Variants in POU2F1 observed in about 807,000 individuals in gnomAD.
The protein encoded by POU2F1 is POU domain, class 2, transcription factor 1.
A neutral mutation model predicts 84.9 loss-of-function variants in POU2F1; 16 were observed. The ratio of observed to expected loss-of-function variants is 0.19; its 90% CI spans 0.13 to 0.29. POU2F1 has a LOEUF of 0.29. POU2F1 is among the 10% of genes least tolerant of loss of function. The pLI is 1.00. For synonymous variants in POU2F1, 368 were observed against 368.3 expected, an observed-to-expected ratio of 1.00 and a Z score of 0.01; for missense variants, 738 against 942.6, an observed-to-expected ratio of 0.78 and a Z score of 2.84.
rs570888597 is a variant in POU2F1, at chr1:167,260,608, C to A, written c.61+39650C>A. On this transcript the variant is annotated intron_variant, in intron 1 of 15. Coordinates refer to ENST00000367866, the MANE Select transcript of POU2F1 (RefSeq NM_002697.4). ...TCTCAACATGATTTGTTGAATTTTT[C>A]CCTCTTTCCTCAGCTTTCCTGCATT... is the stretch of plus-strand genomic sequence containing the variant. Among the ~76,000 whole-genome samples the A allele has an allele frequency of 1.4e-4, 22 of 152,202 alleles. No homozygotes were observed. In the South Asian group the frequency reaches 3.5e-3, roughly 24 times the overall value.
At chr1:167,354,522 C>A (rs541762119) in intron 2 of POU2F1, among the ~76,000 whole-genome samples, 1 of 152,224 alleles carries the variant, frequency 6.6e-6, no homozygotes, top group East Asian at 1.9e-4. Context: ...AGACTCCTGA[C>A]CTCAGGTGAT....
intron 13 of POU2F1, among the ~76,000 whole-genome samples, chr1:167,402,191 A>T (rs1342178207): frequency 1.3e-5 from 2 of 152,218 alleles, no homozygotes; most frequent in South Asian, 4.2e-4. Context: ...ATCACTTAGC[A>T]TTGTCATCAG....
chr1:167,320,780 C>T (rs1656257796), intron 1 of POU2F1, among the ~76,000 whole-genome samples: 1 of 152,144 alleles, frequency 6.6e-6, no homozygotes, highest in Admixed American at 6.5e-5. Context: ...TTTATTTGAG[C>T]CTTATACGCT....
At chr1:167,311,089 C>G (rs1323917669) in intron 1 of POU2F1, among the ~76,000 whole-genome samples, 1 of 151,940 alleles carries the variant, frequency 6.6e-6, no homozygotes, top group Non-Finnish European at 1.5e-5. Flanking sequence ...TGAAAACTCC[C>G]CAAATTTAGT....
chr1:167,239,726 T>G (rs2102366875), intron 1 of POU2F1, among the ~76,000 whole-genome samples: 1 of 152,310 alleles, frequency 6.6e-6, no homozygotes, highest in East Asian at 1.9e-4. Flanking sequence ...TTGGAATGAT[T>G]GAAATTGATT....
chr1:167,247,262 G>A (rs548406225), intron 1 of POU2F1, among the ~76,000 whole-genome samples: 2 of 152,078 alleles, frequency 1.3e-5, no homozygotes, highest in African/African-American at 4.8e-5. Context: ...ATTTTTTGTA[G>A]AGACGGTTGC....
In POU2F1 at chr1:167,416,380, T is replaced by G. The variant is rs2101955758; in HGVS notation, c.*570T>G. On this transcript the variant is annotated 3_prime_UTR_variant, in exon 16 of 16. Coordinates refer to ENST00000367866, the MANE Select transcript of POU2F1 (RefSeq NM_002697.4). ...ATTTAGGCAGGCCTGTATTACTGTA[T>G]TATTATTGTTGTTGTTGTTATTGTT... 5.2e-6 allele frequency: 1 copy of G among 192,670 alleles called. No individual in the cohort carries two copies. The highest frequency in any genetic ancestry group is 1.1e-5 in the Non-Finnish European group (1 of 94,112). 11.9% of individuals were successfully genotyped at this position (192,670 alleles called of 1,614,324 possible). A position where few individuals can be genotyped will look rare whatever the true frequency, so the allele number is the denominator to read the frequency against.
At chr1:167,412,593 TC>T (rs777323233) in intron 14 of POU2F1, among the ~76,000 whole-genome samples, 6 of 152,126 alleles carry the variant, frequency 3.9e-5, no homozygotes, top group Non-Finnish European at 8.8e-5. Context: ...AGCCTAGAAT[TC>T]TTGACTCTTA....
At chr1:167,293,666 G>C (rs1654083401) in intron 1 of POU2F1, among the ~76,000 whole-genome samples, 1 of 152,056 alleles carries the variant, frequency 6.6e-6, no homozygotes, top group East Asian at 1.9e-4. Context: ...TAAACAAAAA[G>C]AACAAATCTG....
chr1:167,412,369 G>A, intron 14 of POU2F1, 65 bp downstream of exon 14: 1 of 1,358,784 alleles, frequency 7.4e-7, no homozygotes, highest in Non-Finnish European at 1.0e-6. Context: ...ACTCACAGGG[G>A]AGACTTTACA....
chr1:167,256,691 G>C (rs1034910833), intron 1 of POU2F1, among the ~76,000 whole-genome samples: 1 of 152,128 alleles, frequency 6.6e-6, no homozygotes, highest in Non-Finnish European at 1.5e-5. Context: ...ATAGTCTTTG[G>C]ATGTGTTGCC....
chr1:167,340,189 C>G lies in POU2F1; in HGVS notation c.127+7654C>G, dbSNP rs571396741. Among the ~76,000 whole-genome samples the G allele has an allele frequency of 5.9e-5, 9 of 151,964 alleles. No individual in the cohort carries two copies. In the East Asian group the frequency reaches 1.6e-3, roughly 26 times the overall value. ...CCACCTCCCGAGGTCAAGCAATTCT[C>G]CTGCCTCAGCCTCCCAAGTAGCTGG... On this transcript the variant is annotated intron_variant, in intron 2 of 15. Coordinates refer to ENST00000367866, the MANE Select transcript of POU2F1 (RefSeq NM_002697.4).
At chr1:167,260,759 A>ATGTTG (rs1651505131) in intron 1 of POU2F1, among the ~76,000 whole-genome samples, 3 of 152,182 alleles carry the variant, frequency 2.0e-5, no homozygotes, top group African/African-American at 7.2e-5. Context: ...GTTTACTACT[A>ATGTTG]TGTTATTGCC....
At chr1:167,371,880 A>C (rs901191437) in intron 4 of POU2F1, 37 bp from the exon 5 acceptor site, 2 of 1,612,902 alleles carry the variant, frequency 1.2e-6, no homozygotes, top group Non-Finnish European at 1.7e-6. Context: ...TTAATCAACC[A>C]TTTGCAATCT....
chr1:167,401,777 T>C (rs1421493355), intron 13 of POU2F1, among the ~76,000 whole-genome samples: 1 of 152,264 alleles, frequency 6.6e-6, no homozygotes, highest in Non-Finnish European at 1.5e-5. Flanking sequence ...TCGTGAAGGT[T>C]ATTTCCGGTC....
chr1:167,361,266 A>T (rs60162519), intron 2 of POU2F1, among the ~76,000 whole-genome samples: 13,474 of 152,238 alleles, frequency 0.089, 1,906 homozygotes, highest in African/African-American at 0.3. Context: ...CTTAGGGGAA[A>T]TGCTTTCAAC....
At chr1:167,234,683 G>C (rs780957429) in intron 1 of POU2F1, among the ~76,000 whole-genome samples, 2 of 152,200 alleles carry the variant, frequency 1.3e-5, no homozygotes, top group Non-Finnish European at 2.9e-5. Context: ...GTGATGGACT[G>C]TGATTGTGCC....
At chr1:167,336,284 C>CT (rs1334233945) in intron 2 of POU2F1, among the ~76,000 whole-genome samples, 1 of 152,200 alleles carries the variant, frequency 6.6e-6, no homozygotes, top group East Asian at 1.9e-4. Flanking sequence ...GTAACCACCT[C>CT]TTGTTGCTAT....
chr1:167,272,007 A>G (rs1571205771), intron 1 of POU2F1, among the ~76,000 whole-genome samples: 1 of 152,198 alleles, frequency 6.6e-6, no homozygotes, highest in African/African-American at 2.4e-5. Context: ...TGTAATATCT[A>G]TAGCTGCTTT....
Sources: allele counts gnomAD v4.1 joint callset (sites outside exome capture counted in the v4.1 genomes callset), GRCh38; gene constraint gnomAD v4.1.1; transcripts MANE v1.5; gene names NCBI Gene and HGNC (gene_info 2026-07-23, HGNC 2026-07-21).